Variants in PLEKHG1 observed in about 807,000 individuals in gnomAD.
PLEKHG1 encodes the protein pleckstrin homology and RhoGEF domain containing G1, also known as pleckstrin homology domain-containing family G member 1.
Under a neutral mutation model 100.8 loss-of-function variants are expected in PLEKHG1, and 44 were observed. The ratio of observed to expected loss-of-function variants is 0.44; its 90% CI spans 0.34 to 0.56. PLEKHG1 has a LOEUF of 0.56. Among genes scored for constraint, PLEKHG1 ranks in the 20% least tolerant of loss-of-function variants. The pLI, the probability that PLEKHG1 is intolerant of heterozygous loss-of-function variation, is 0.01. For synonymous variants in PLEKHG1, 640 were observed against 662.5 expected (o/e 0.97, Z 0.52); for missense variants, 1,545 against 1,720.9 (o/e 0.90, Z 1.81).
At chr6:150,734,654 T>C (rs1007769605) in intron 2 of PLEKHG1, among the ~76,000 whole-genome samples, 1 of 152,158 alleles carries the variant, frequency 6.6e-6, no homozygotes, top group African/African-American at 2.4e-5. Context: ...TATTCCTGTA[T>C]TGGTTGGTGT....
intron 1 of PLEKHG1, among the ~76,000 whole-genome samples, chr6:150,618,259 T>C (rs1188381194): frequency 1.3e-5 from 2 of 152,244 alleles, no homozygotes; most frequent in Non-Finnish European, 2.9e-5. Flanking sequence ...CTTTACTCAT[T>C]TGCCAGTGAC....
chr6:150,784,835 T>C (rs1290540286), intron 3 of PLEKHG1, among the ~76,000 whole-genome samples: 4 of 152,170 alleles, frequency 2.6e-5, no homozygotes, highest in African/African-American at 7.2e-5. Context: ...GAAATCATAG[T>C]ATACTCTGAG....
intron 3 of PLEKHG1, among the ~76,000 whole-genome samples, chr6:150,678,990 G>T (rs1381878787): frequency 6.6e-6 from 1 of 152,078 alleles, no homozygotes; most frequent in African/African-American, 2.4e-5. Context: ...AACTTTCATT[G>T]CTGAGAAAAT....
At chr6:150,786,987 G>A (rs560053314) in intron 4 of PLEKHG1, among the ~76,000 whole-genome samples, 32 of 139,312 alleles carry the variant, frequency 2.3e-4, no homozygotes, top group African/African-American at 8.7e-4. Context: ...CCAAGATAAC[G>A]CCATTGCACT....
intron 1 of PLEKHG1, among the ~76,000 whole-genome samples, chr6:150,634,727 A>G (rs774678410): frequency 3.3e-5 from 5 of 152,252 alleles, no homozygotes; most frequent in Non-Finnish European, 5.9e-5. Context: ...CATTAAAGTA[A>G]TGAAGTAATA....
At chr6:150,828,259 T>C in intron 14 of PLEKHG1, 1 of 1,613,556 alleles carries the variant, frequency 6.2e-7, no homozygotes, top group Non-Finnish European at 8.5e-7. Context: ...ATGGAAACTG[T>C]CTGAATCTGG....
chr6:150,626,821 T>C (rs1777531515), intron 1 of PLEKHG1, among the ~76,000 whole-genome samples: 1 of 152,162 alleles, frequency 6.6e-6, no homozygotes, highest in Admixed American at 6.5e-5. Flanking sequence ...TATGTGTATG[T>C]GTGTGTGCGT....
intron 3 of PLEKHG1, among the ~76,000 whole-genome samples, chr6:150,677,283 T>TACACACACACACACACACAC (rs756621195): frequency 4.5e-5 from 6 of 134,138 alleles, no homozygotes; most frequent in African/African-American, 1.5e-4. Flanking sequence ...TTTCTTCCCC[T>TACACACACACACACACACAC]ATACACACAC....
At chr6:150,707,400 C>T (rs1781066267) in intron 3 of PLEKHG1, among the ~76,000 whole-genome samples, 1 of 152,102 alleles carries the variant, frequency 6.6e-6, no homozygotes, top group African/African-American at 2.4e-5. Flanking sequence ...ACCTAATATA[C>T]AGTACAGTGT....
chr6:150,660,775 C>T (rs1267987350), intron 3 of PLEKHG1, among the ~76,000 whole-genome samples: 1 of 152,218 alleles, frequency 6.6e-6, no homozygotes. Flanking sequence ...AGGTAAGTCT[C>T]ACCTGCCAAC....
intron 15 of PLEKHG1, among the ~76,000 whole-genome samples, chr6:150,838,321 A>G (rs1340159772): frequency 6.6e-6 from 1 of 152,254 alleles, no homozygotes; most frequent in Non-Finnish European, 1.5e-5. Context: ...CCTATGGCCC[A>G]CAGCTGCATG....
At chr6:150,666,034 C>T (rs541500996) in intron 3 of PLEKHG1, among the ~76,000 whole-genome samples, 9 of 152,252 alleles carry the variant, frequency 5.9e-5, no homozygotes, top group East Asian at 1.9e-4. Context: ...TGTCTTTCCA[C>T]GTTGGAAATG....
At chr6:150,660,812 C>T (rs192513269) in intron 3 of PLEKHG1, among the ~76,000 whole-genome samples, 4 of 152,328 alleles carry the variant, frequency 2.6e-5, no homozygotes, top group African/African-American at 9.6e-5. Context: ...GGTCACATTT[C>T]AGTGCATTTG....
intron 9 of PLEKHG1, 40 bp from the exon 11 acceptor site, chr6:150,809,608 G>A (rs1350636212): frequency 2.5e-5 from 40 of 1,572,494 alleles, no homozygotes; most frequent in Non-Finnish European, 3.4e-5. Context: ...TGTGGGTGGT[G>A]GAATCAAGTT....
At chr6:150,723,709 T>C (rs1056148539) in intron 1 of PLEKHG1, among the ~76,000 whole-genome samples, 2 of 152,188 alleles carry the variant, frequency 1.3e-5, no homozygotes, top group Non-Finnish European at 2.9e-5. Flanking sequence ...ATAATAAGGC[T>C]CACCTGTTAT....
chr6:150,823,787 T>A (rs374908913), intron 14 of PLEKHG1, 111 bp downstream of exon 15: 98 of 749,122 alleles, frequency 1.3e-4, no homozygotes, highest in Non-Finnish European at 2.0e-4. Context: ...TCAACAGTTA[T>A]TTTACATTTT....
At chr6:150,833,715 C>A (rs559192689) in intron 15 of PLEKHG1, among the ~76,000 whole-genome samples, 3 of 152,148 alleles carry the variant, frequency 2.0e-5, no homozygotes, top group Non-Finnish European at 4.4e-5. Flanking sequence ...AAATAGTATG[C>A]CCTTTTCATC....
At chr6:150,797,956 T>C (rs1268586117) in intron 5 of PLEKHG1, among the ~76,000 whole-genome samples, 1 of 146,138 alleles carries the variant, frequency 6.8e-6, no homozygotes, top group Non-Finnish European at 1.5e-5. Context: ...CAGTTTCCCC[T>C]AAAAAAAACA....
At chr6:150,632,553 A>T (rs1777804835) in intron 1 of PLEKHG1, among the ~76,000 whole-genome samples, 1 of 152,160 alleles carries the variant, frequency 6.6e-6, no homozygotes, top group Admixed American at 6.5e-5. Flanking sequence ...ATACCCCTCT[A>T]CCTGGCCTCT....
Sources: gnomAD v4.1 joint callset for allele counts (sites outside exome capture counted in the v4.1 genomes callset) on GRCh38, gnomAD v4.1.1 for gene constraint, MANE v1.5 for transcripts, NCBI Gene and HGNC (gene_info 2026-07-23, HGNC 2026-07-21) for gene names.